PTPRD: variants seen among roughly 807,000 people sequenced by gnomAD.
PTPRD encodes the protein protein tyrosine phosphatase receptor type D.
PTPRD carries 34 observed loss-of-function variants against 214.5 expected under a neutral mutation model. The ratio of observed to expected loss-of-function variants is 0.16; its 90% CI spans 0.12 to 0.21. The LOEUF (loss-of-function observed/expected upper bound fraction) is 0.21. Ranked by LOEUF, PTPRD falls within the 10% of genes least tolerant of loss-of-function variation. The probability of loss-of-function intolerance (pLI) is 1.00; values close to 1 mark genes in which losing one functional copy is unlikely to be tolerated. For synonymous variants in PTPRD, 1,128 were observed against 845.7 expected (o/e 1.33, Z -5.79); for missense variants, 2,545 against 2,398.7 (o/e 1.06, Z -1.27).
intron 9 of PTPRD, among the ~76,000 whole-genome samples, chr9:9,296,797 A>C (rs1953225051): frequency 6.6e-6 from 1 of 151,770 alleles, no homozygotes; most frequent in African/African-American, 2.4e-5. Context: ...AATCAAGGCA[A>C]TGCAGAAATG....
chr9:8,688,464 C>T (rs375852273), intron 12 of PTPRD, among the ~76,000 whole-genome samples: 1 of 151,276 alleles, frequency 6.6e-6, no homozygotes, highest in East Asian at 2.0e-4. Context: ...ACTCAGGAGG[C>T]TGAGGGAGGA....
At chr9:9,593,653 A>T (rs933953476) in intron 7 of PTPRD, among the ~76,000 whole-genome samples, 1 of 152,014 alleles carries the variant, frequency 6.6e-6, no homozygotes, top group Non-Finnish European at 1.5e-5. Context: ...TTTGCCCAAG[A>T]AAAAAGAGAA....
rs183846631 is a variant in PTPRD, at chr9:8,615,427, C to G, written c.352+17890G>C. Among the ~76,000 whole-genome samples the G allele has an allele frequency of 5.6e-4, 85 of 152,226 alleles. 1 individual carries two copies. The South Asian group carries it at 7.2e-3, about 13-fold the overall frequency. On this transcript the variant is annotated intron_variant, in intron 14 of 45. Coordinates refer to ENST00000381196, the MANE Select transcript of PTPRD (RefSeq NM_002839.4). The stretch of plus-strand genomic sequence containing the variant: ...CCACTATTTAAACATGAAGAAAGAG[C>G]AGTCTAAATTAGGTCTATTTTAATT...
chr9:10,358,251 A>G lies in PTPRD; in HGVS notation c.-599-17234T>C, dbSNP rs1158241721. On this transcript the variant is annotated intron_variant, in intron 2 of 45. Coordinates refer to ENST00000381196, the MANE Select transcript of PTPRD (RefSeq NM_002839.4). ...TGTTTTGTCTTCATCAAAAGATAAT[A>G]CTTTTGTCCAGAAATTCTTCAAATA... Among the ~76,000 whole-genome samples, 3 of 152,112 alleles carry G rather than the reference A, an allele frequency of 2.0e-5. No individual in the cohort carries two copies. The East Asian group carries it at 5.8e-4, about 29-fold the overall frequency.
chr9:8,391,493 G>A (rs1342103696), intron 36 of PTPRD, among the ~76,000 whole-genome samples: 2 of 152,102 alleles, frequency 1.3e-5, no homozygotes, highest in African/African-American at 2.4e-5. Flanking sequence ...TCAAATGACG[G>A]TTTAAATAAA....
chr9:10,044,360 A>C (rs972889562), intron 3 of PTPRD, among the ~76,000 whole-genome samples: 1 of 151,810 alleles, frequency 6.6e-6, no homozygotes, highest in Non-Finnish European at 1.5e-5. Flanking sequence ...TTCAGCGATG[A>C]AGCCTTTGTT....
chr9:10,170,294 G>C (rs1463114486), intron 3 of PTPRD, among the ~76,000 whole-genome samples: 1 of 152,088 alleles, frequency 6.6e-6, no homozygotes, highest in African/African-American at 2.4e-5. Context: ...AACTGGCAAG[G>C]TCCCTTCTGA....
chr9:8,676,247 G>A (rs1436022332), intron 12 of PTPRD, among the ~76,000 whole-genome samples: 2 of 152,090 alleles, frequency 1.3e-5, no homozygotes, highest in Non-Finnish European at 2.9e-5. Flanking sequence ...CTGAGGCTGA[G>A]AGATGCTCCT....
At chr9:9,645,126 T>C (rs1169576952) in intron 7 of PTPRD, among the ~76,000 whole-genome samples, 1 of 152,176 alleles carries the variant, frequency 6.6e-6, no homozygotes, top group Non-Finnish European at 1.5e-5. Flanking sequence ...AAAAGCGCTC[T>C]CCCTGGCTCC....
chr9:9,069,178 A>G (rs1275019021), intron 10 of PTPRD, among the ~76,000 whole-genome samples: 1 of 152,236 alleles, frequency 6.6e-6, no homozygotes, highest in Admixed American at 6.5e-5. Flanking sequence ...GACAAGAACT[A>G]ATTTAGTGAC....
At chr9:10,378,361 T>C (rs570881049) in intron 2 of PTPRD, among the ~76,000 whole-genome samples, 3 of 152,172 alleles carry the variant, frequency 2.0e-5, no homozygotes, top group South Asian at 4.1e-4. Flanking sequence ...TCTGGGCTTG[T>C]AGGGTATTGC....
intron 7 of PTPRD, among the ~76,000 whole-genome samples, chr9:9,605,493 T>A (rs17181634): frequency 0.23 from 35,181 of 151,976 alleles, 5,139 homozygotes; most frequent in Non-Finnish European, 0.33. Context: ...TATGTTTGCA[T>A]GTGTTATAAA....
intron 5 of PTPRD, among the ~76,000 whole-genome samples, chr9:9,839,941 T>C (rs546542234): frequency 9.2e-5 from 14 of 152,186 alleles, no homozygotes; most frequent in African/African-American, 2.2e-4. Context: ...AGTTGAAAAT[T>C]TGTATATATA....
At chr9:9,042,705 G>C (rs965107804) in intron 10 of PTPRD, among the ~76,000 whole-genome samples, 4 of 148,872 alleles carry the variant, frequency 2.7e-5, no homozygotes, top group African/African-American at 7.5e-5. Flanking sequence ...TCTGGTGGCA[G>C]ACATAATCCA....
intron 11 of PTPRD, among the ~76,000 whole-genome samples, chr9:8,779,337 C>G (rs12337561): frequency 0.15 from 23,358 of 152,066 alleles, 1,904 homozygotes; most frequent in Admixed American, 0.19. Context: ...TTACCCAGCC[C>G]CTCCTTTAGA....
At chr9:9,746,441 T>A (rs753929149) in intron 6 of PTPRD, among the ~76,000 whole-genome samples, 1 of 152,260 alleles carries the variant, frequency 6.6e-6, no homozygotes, top group South Asian at 2.1e-4. Flanking sequence ...ATTAGCACAA[T>A]GAGGAACCAC....
intron 43 of PTPRD, 58 bp downstream of exon 43, chr9:8,338,864 A>AGAGAGAGAGAGAGAGAGG: frequency 6.7e-7 from 1 of 1,500,032 alleles, no homozygotes; most frequent in Non-Finnish European, 9.1e-7. Context: ...AGAGAGAGAG[A>AGAGAGAGAGAGAGAGAGG]GGTATCTTAG....
chr9:9,682,394 C>T (rs957920721), intron 7 of PTPRD, among the ~76,000 whole-genome samples: 1 of 151,762 alleles, frequency 6.6e-6, no homozygotes, highest in Admixed American at 6.6e-5. Context: ...CTCACATTTT[C>T]TGTCAAAGTC....
At position 9,242,091 on chromosome 9, in the gene PTPRD, C is replaced by T. The variant is rs551535009; in HGVS notation, c.-202-58728G>A. 7.4e-4 allele frequency among the ~76,000 whole-genome samples: 113 copies of T among 152,094 alleles called. 1 individual carries two copies. The highest frequency in any genetic ancestry group is 9.4e-4 in the Non-Finnish European group (64 of 67,994). ...CTTGTCTGTAAAGGATTTTATTTCT[C>T]CTTCACTTATGAAGCTTAGTTTGGC... On this transcript the variant is annotated intron_variant, in intron 9 of 45. Coordinates refer to ENST00000381196, the MANE Select transcript of PTPRD (RefSeq NM_002839.4).
Sources: gnomAD v4.1 joint callset for allele counts (sites outside exome capture counted in the v4.1 genomes callset) on GRCh38, gnomAD v4.1.1 for gene constraint, MANE v1.5 for transcripts, NCBI Gene and HGNC (gene_info 2026-07-23, HGNC 2026-07-21) for gene names.